TMEM132C: variants seen among roughly 807,000 people sequenced by gnomAD.
TMEM132C encodes transmembrane protein 132C.
A neutral mutation model predicts 61.4 loss-of-function variants in TMEM132C; 29 were observed. That is an observed-to-expected ratio of 0.47 (90% CI 0.35 to 0.64). TMEM132C has a LOEUF of 0.64. Among genes scored for constraint, TMEM132C ranks in the 30% least tolerant of loss-of-function variants. TMEM132C has a pLI of 0.00. For synonymous variants in TMEM132C, 656 were observed against 633.1 expected (o/e 1.04, Z -0.54); for missense variants, 1,408 against 1,476.9 (o/e 0.95, Z 0.76).
At chr12:128,482,701 G>A (rs1279487065) in intron 2 of TMEM132C, among the ~76,000 whole-genome samples, 1 of 152,060 alleles carries the variant, frequency 6.6e-6, no homozygotes, top group East Asian at 1.9e-4. Context: ...TTAGTCTCGG[G>A]AGGGTGTATG....
At chr12:128,353,256 G>A (rs1046766903) in intron 1 of TMEM132C, among the ~76,000 whole-genome samples, 2 of 152,210 alleles carry the variant, frequency 1.3e-5, no homozygotes, top group Non-Finnish European at 2.9e-5. Context: ...CAGCATGAGT[G>A]AAAAGGGAAA....
intron 2 of TMEM132C, among the ~76,000 whole-genome samples, chr12:128,446,942 T>C (rs1177230853): frequency 6.6e-6 from 1 of 151,892 alleles, no homozygotes; most frequent in Non-Finnish European, 1.5e-5. Context: ...AGGCCTAGAG[T>C]AAGGTAGGAG....
At chr12:128,338,329 C>T (rs1047919868) in intron 1 of TMEM132C, among the ~76,000 whole-genome samples, 11 of 152,138 alleles carry the variant, frequency 7.2e-5, no homozygotes, top group South Asian at 6.2e-4. Context: ...GCGTGCCTTC[C>T]GATTAGTGGA....
chr12:128,466,833 T>C (rs1251045756), intron 2 of TMEM132C, among the ~76,000 whole-genome samples: 2 of 152,190 alleles, frequency 1.3e-5, no homozygotes, highest in Non-Finnish European at 1.5e-5. Flanking sequence ...CACTTCTTTA[T>C]ATGACCTGTC....
intron 3 of TMEM132C, among the ~76,000 whole-genome samples, chr12:128,576,440 A>G (rs1875097817): frequency 6.6e-6 from 1 of 152,162 alleles, no homozygotes; most frequent in East Asian, 1.9e-4. Context: ...GTTAATTAAA[A>G]CAGCCCGTGA....
chr12:128,557,986 G>C (rs1195411251), intron 3 of TMEM132C, among the ~76,000 whole-genome samples: 4 of 152,230 alleles, frequency 2.6e-5, no homozygotes, highest in Admixed American at 1.3e-4. Flanking sequence ...CTTCTGCGTG[G>C]AAGTCGCGCG....
chr12:128,690,586 C>T (rs1191731805), intron 5 of TMEM132C, among the ~76,000 whole-genome samples: 1 of 152,148 alleles, frequency 6.6e-6, no homozygotes, highest in African/African-American at 2.4e-5. Flanking sequence ...CTGTAAATTA[C>T]AACATTGACT....
At chr12:128,511,328 G>A (rs984297398) in intron 2 of TMEM132C, among the ~76,000 whole-genome samples, 4 of 152,208 alleles carry the variant, frequency 2.6e-5, no homozygotes, top group Non-Finnish European at 5.9e-5. Context: ...GGGAAGGAGT[G>A]AGAAGTTAGG....
chr12:128,314,860 TG>T (rs748414948), intron 1 of TMEM132C, among the ~76,000 whole-genome samples: 3 of 152,126 alleles, frequency 2.0e-5, no homozygotes, highest in Admixed American at 6.5e-5. Context: ...AGCCACTCAG[TG>T]TGGGCCCTTT....
intron 5 of TMEM132C, among the ~76,000 whole-genome samples, chr12:128,684,380 A>G (rs1423300717): frequency 6.6e-6 from 1 of 151,886 alleles, no homozygotes; most frequent in African/African-American, 2.4e-5. Context: ...CCTCACCACA[A>G]CATTTGGATC....
chr12:128,409,158 T>A (rs1868425082), intron 1 of TMEM132C, among the ~76,000 whole-genome samples: 1 of 152,126 alleles, frequency 6.6e-6, no homozygotes, highest in African/African-American at 2.4e-5. Flanking sequence ...GTGTAGCAAG[T>A]TCTTAGCCGT....
intron 4 of TMEM132C, among the ~76,000 whole-genome samples, chr12:128,616,770 G>T (rs920239261): frequency 6.6e-6 from 1 of 152,170 alleles, no homozygotes; most frequent in African/African-American, 2.4e-5. Context: ...ACTCTCAGAG[G>T]CTGTCACTGG....
chr12:128,378,291 AT>A (rs61493794), intron 1 of TMEM132C, among the ~76,000 whole-genome samples: 1,653 of 151,456 alleles, frequency 0.011, 32 homozygotes, highest in African/African-American at 0.037. Flanking sequence ...ATTTTTTTGT[AT>A]TTTTTAGTAG....
chr12:128,670,894 G>A lies in TMEM132C; in HGVS notation c.1449+1334G>A, dbSNP rs138856862. The stretch of plus-strand genomic sequence containing the variant: ...CAGTATTTTATGTCTCCAAAAGAAC[G>A]GAAAATCTAGATTTCTGGTTAAAAA... On this transcript the variant is annotated intron_variant, in intron 5 of 8. Transcript: ENST00000435159. Among the ~76,000 whole-genome samples, 271 of 152,124 alleles carry A rather than the reference G, an allele frequency of 1.8e-3. 3 individuals carry two copies. Among genetic ancestry groups the A allele is most frequent in the African/African-American group, 5.3e-3 (219 of 41,486 alleles).
chr12:128,408,378 C>G (rs1357184508), intron 1 of TMEM132C, among the ~76,000 whole-genome samples: 1 of 152,120 alleles, frequency 6.6e-6, no homozygotes, highest in Non-Finnish European at 1.5e-5. Flanking sequence ...CAAATACTTC[C>G]TGTTGGTGAA....
At chr12:128,295,807 C>A (rs1206581093) in intron 1 of TMEM132C, among the ~76,000 whole-genome samples, 2 of 151,932 alleles carry the variant, frequency 1.3e-5, no homozygotes, top group Non-Finnish European at 2.9e-5. Context: ...TCTCCTATTT[C>A]CTTCTTGATC....
intron 2 of TMEM132C, among the ~76,000 whole-genome samples, chr12:128,534,272 G>A (rs1293462710): frequency 6.6e-6 from 1 of 152,216 alleles, no homozygotes; most frequent in Non-Finnish European, 1.5e-5. Flanking sequence ...AACGTGCCTT[G>A]TAGATGGCGT....
chr12:128,542,165 C>T (rs1873782141), intron 2 of TMEM132C, among the ~76,000 whole-genome samples: 1 of 152,184 alleles, frequency 6.6e-6, no homozygotes, highest in South Asian at 2.1e-4. Context: ...GTTGTTGACT[C>T]TGCTCACTGA....
intron 2 of TMEM132C, among the ~76,000 whole-genome samples, chr12:128,449,185 C>G (rs913971981): frequency 7.4e-6 from 1 of 134,740 alleles, no homozygotes. Flanking sequence ...AATCTGTTTT[C>G]TTATTTTACC....
Sources: gnomAD v4.1 joint callset for allele counts (sites outside exome capture counted in the v4.1 genomes callset) on GRCh38, gnomAD v4.1.1 for gene constraint, MANE v1.5 for transcripts, NCBI Gene and HGNC (gene_info 2026-07-23, HGNC 2026-07-21) for gene names.